Variants in ZNF212 observed in about 807,000 individuals in gnomAD.
ZNF212 encodes zinc finger protein 212, also known as Zinc finger protein C2H2-150.
A neutral mutation model predicts 47.3 loss-of-function variants in ZNF212; 32 were observed. That is an observed-to-expected ratio of 0.68 (90% CI 0.51 to 0.91). The LOEUF (loss-of-function observed/expected upper bound fraction) is 0.91. Among genes scored for constraint, ZNF212 ranks in the 40% least tolerant of loss-of-function variants. The pLI is 0.00. For missense variants in ZNF212, 555 were observed against 622.8 expected (o/e 0.89, Z 1.16); for synonymous variants, 242 against 253.8 (o/e 0.95, Z 0.44).
rs1451579323 is a variant in ZNF212, at chr7:149,255,274, T to A, written c.*859T>A. 6.5e-6 allele frequency: 1 copy of A among 153,506 alleles called. No individual in the cohort carries two copies. Among genetic ancestry groups the A allele is most frequent in the African/African-American group, 2.4e-5 (1 of 41,456 alleles). The allele number at this position is 153,506 out of a possible 1,614,324, so 9.5% of individuals were successfully genotyped here. A position where few individuals can be genotyped will look rare whatever the true frequency, so the allele number is the denominator to read the frequency against. ...ATACCCCTCTCCTCTTCCCACCTCCTCCTGGCTATGTTCTGCAGCCTCCCA... is the reference window on the plus strand; with the variant it reads ...ATACCCCTCTCCTCTTCCCACCTCCACCTGGCTATGTTCTGCAGCCTCCCA... On this transcript the variant is annotated 3_prime_UTR_variant, in exon 5 of 5. Coordinates refer to ENST00000335870, the MANE Select transcript of ZNF212 (RefSeq NM_012256.4).
Position 149,254,870 on chromosome 7 carries a change from A to G in ZNF212, c.*455A>G, listed in dbSNP as rs1796814315. 1.2e-5 allele frequency: 2 copies of G among 160,656 alleles called. No homozygotes were observed. The highest frequency in any genetic ancestry group is 4.8e-5 in the African/African-American group (2 of 41,676). 10.0% of individuals were successfully genotyped at this position (160,656 alleles called of 1,614,324 possible). On this transcript the variant is annotated 3_prime_UTR_variant, in exon 5 of 5. Transcript: ENST00000335870. This position sits in a 1 kb window ranked among gnomAD's most constrained non-coding sequence, Gnocchi z 4.5. The stretch of plus-strand genomic sequence containing the variant: ...TGTTTAATAATAAGTAGAAGAAATA[A>G]TTTAAATGAACTGCTTAGCCCTGCT...
intron 3 of ZNF212, among the ~76,000 whole-genome samples, chr7:149,252,301 C>T (rs1333221243): frequency 6.6e-6 from 1 of 152,138 alleles, no homozygotes; most frequent in Non-Finnish European, 1.5e-5. Context: ...CTCATTGTGA[C>T]TGTTTCCTTG....
At chr7:149,246,234 G>T (rs150867133) in intron 1 of ZNF212, among the ~76,000 whole-genome samples, 1 of 152,114 alleles carries the variant, frequency 6.6e-6, no homozygotes, top group African/African-American at 2.4e-5. Flanking sequence ...ATTCTAAGAC[G>T]TGTTTATTGA....
intron 3 of ZNF212, among the ~76,000 whole-genome samples, chr7:149,251,941 T>TTAAA (rs1198353594): frequency 9.1e-6 from 1 of 109,540 alleles, no homozygotes; most frequent in African/African-American, 3.5e-5. Flanking sequence ...CTCTGTTGCT[T>TTAAA]AAAAAAAAAA....
intron 3 of ZNF212, chr7:149,251,242 TG>T: frequency 4.7e-6 from 1 of 211,234 alleles, no homozygotes; most frequent in African/African-American, 2.4e-5. Context: ...TGGAGTGCAG[TG>T]GCACAATCTT....
chr7:149,253,496 G>A, intron 4 of ZNF212, 63 bp from the exon 5 acceptor site: 1 of 1,529,600 alleles, frequency 6.5e-7, no homozygotes. Flanking sequence ...TGTTTGTTTG[G>A]TCCTGAAGAA....
chr7:149,247,472 A>G (rs1796694751), intron 1 of ZNF212, among the ~76,000 whole-genome samples: 1 of 152,184 alleles, frequency 6.6e-6, no homozygotes, highest in Non-Finnish European at 1.5e-5. Flanking sequence ...TTTTTATTAC[A>G]TAGTAGTAGA....
At chr7:149,241,575 G>A (rs1796589755) in intron 1 of ZNF212, among the ~76,000 whole-genome samples, 1 of 152,038 alleles carries the variant, frequency 6.6e-6, no homozygotes, top group Non-Finnish European at 1.5e-5. Context: ...TTAACAGTAA[G>A]CTCAAGTAGG....
intron 1 of ZNF212, among the ~76,000 whole-genome samples, chr7:149,248,819 A>G (rs1796713203): frequency 6.6e-6 from 1 of 152,196 alleles, no homozygotes; most frequent in South Asian, 2.1e-4. Flanking sequence ...CTTTTGTCTC[A>G]TGTGTTCCAT....
intron 4 of ZNF212, 47 bp downstream of exon 4, chr7:149,252,842 G>A (rs11760996): frequency 0.015 from 24,027 of 1,590,176 alleles, 245 homozygotes; most frequent in South Asian, 0.026. Flanking sequence ...GCCCTCTGTA[G>A]CCTAGAGTGA....
intron 1 of ZNF212, among the ~76,000 whole-genome samples, chr7:149,243,458 A>AAAAAAG (rs1563187292): frequency 5.5e-5 from 8 of 144,340 alleles, no homozygotes; most frequent in African/African-American, 1.3e-4. Context: ...AAAAAAAAAA[A>AAAAAAG]AGAGAGAGAG....
intron 1 of ZNF212, among the ~76,000 whole-genome samples, chr7:149,244,905 A>G (rs558357391): frequency 6.6e-6 from 1 of 152,296 alleles, no homozygotes; most frequent in African/African-American, 2.4e-5. Context: ...CGAACCATCC[A>G]TGTGCCACCC....
rs910088910 is a variant in ZNF212 at position 149,255,460 on chromosome 7, A to G, written c.*1045A>G. On this transcript the variant is annotated 3_prime_UTR_variant, in exon 5 of 5. Coordinates refer to ENST00000335870, the MANE Select transcript of ZNF212 (RefSeq NM_012256.4). ...CAGAGAGGGTACAGAAAAAGCACAC[A>G]GATGGCTTGTCTCAGGAGTGTTGAA... The G allele has an allele frequency of 6.5e-6, 1 of 153,786 alleles. No individual in the cohort carries two copies. Among genetic ancestry groups the G allele is most frequent in the African/African-American group, 2.4e-5 (1 of 41,442 alleles). The allele number at this position is 153,786 out of a possible 1,614,324, so 9.5% of individuals were successfully genotyped here.
In ZNF212 at chr7:149,254,691, G is replaced by A. The variant is rs1296202467; in HGVS notation, c.*276G>A. The A allele has an allele frequency of 3.5e-5, 15 of 430,576 alleles. No homozygotes were observed. The East Asian group carries it at 4.6e-4, about 13-fold the overall frequency. 26.7% of individuals were successfully genotyped at this position (430,576 alleles called of 1,614,324 possible). On this transcript the variant is annotated 3_prime_UTR_variant, in exon 5 of 5. Transcript: ENST00000335870. The surrounding 1 kb of genome is among the most constrained non-coding windows in gnomAD (Gnocchi z 4.5). ...CCAATGCTTGTGGGCTGGGGTTGGC[G>A]TTCTGACCCCACAGGGACTGGTGGC...
chr7:149,246,385 CTTT>C (rs879770541), intron 1 of ZNF212, among the ~76,000 whole-genome samples: 2 of 143,650 alleles, frequency 1.4e-5, no homozygotes, highest in Admixed American at 7.0e-5. Flanking sequence ...TATAATCAGT[CTTT>C]TTTTTTTTTT....
chr7:149,245,538 ATCTC>A (rs915107337), intron 1 of ZNF212, among the ~76,000 whole-genome samples: 6 of 151,950 alleles, frequency 3.9e-5, no homozygotes, highest in African/African-American at 1.5e-4. Context: ...TTGAGACAGA[ATCTC>A]TCTCTGTCAC....
intron 3 of ZNF212, among the ~76,000 whole-genome samples, chr7:149,251,509 T>G (rs1257272740): frequency 3.4e-5 from 5 of 144,970 alleles, no homozygotes; most frequent in African/African-American, 1.0e-4. Context: ...TTTTTTTTTT[T>G]TTTTTTGAGA....
At chr7:149,247,753 A>C (rs73479945) in intron 1 of ZNF212, among the ~76,000 whole-genome samples, 4,785 of 152,174 alleles carry the variant, frequency 0.031, 123 homozygotes, top group African/African-American at 0.066. Context: ...TGGTGGTCCC[A>C]TGTGTTTTCT....
rs147828314 is a variant in ZNF212 at position 149,250,315 on chromosome 7, C to T, written c.181C>T (p.Arg61Trp). 5.9e-5 allele frequency: 95 copies of T among 1,613,900 alleles called. No homozygotes were observed. Among genetic ancestry groups the T allele is most frequent in the African/African-American group, 5.9e-4 (44 of 74,940 alleles). Residue 61 changes from arginine (R) to tryptophan (W), a missense_variant, in exon 2 of 5, where the codon CGG becomes TGG. Physicochemically the swap from Arg to Trp is moderately radical, Grantham distance 101 (BLOSUM62 -3). Coordinates refer to ENST00000335870, the MANE Select transcript of ZNF212 (RefSeq NM_012256.4). ...GAAGAAGATGGAGTCCCAGGCTGCC[C>T]GGCTACAGAGCCTGGAGGGGCGCAC... Reference protein sequence around the residue: ...VEKKMESQAARLQSLEGRTGT... With the variant: ...VEKKMESQAAWLQSLEGRTGT...
Sources: allele counts gnomAD v4.1 joint callset (sites outside exome capture counted in the v4.1 genomes callset), GRCh38; gene constraint gnomAD v4.1.1; non-coding constraint Gnocchi (gnomAD v3.1); transcripts MANE v1.5; gene names NCBI Gene and HGNC (gene_info 2026-07-23, HGNC 2026-07-21).